TRAK1: variants seen among roughly 807,000 people sequenced by gnomAD.
TRAK1 encodes trafficking kinesin-binding protein 1.
Under a neutral mutation model 92.1 loss-of-function variants are expected in TRAK1, and 33 were observed. That is an observed-to-expected ratio of 0.36 (90% CI 0.27 to 0.48). TRAK1 has a LOEUF of 0.48. TRAK1 is among the 20% of genes least tolerant of loss of function. TRAK1 has a pLI of 0.99. For missense variants in TRAK1, 1,123 were observed against 1,257.9 expected, an observed-to-expected ratio of 0.89 and a Z score of 1.62; for synonymous variants, 521 against 517.3, an observed-to-expected ratio of 1.01 and a Z score of -0.10.
At chr3:42,126,915 T>C (rs1452658895) in intron 2 of TRAK1, among the ~76,000 whole-genome samples, 3 of 152,232 alleles carry the variant, frequency 2.0e-5, no homozygotes, top group Non-Finnish European at 2.9e-5. Flanking sequence ...AGAGTCTTTG[T>C]GAATACTGCA....
At chr3:42,154,138 G>A (rs1700265697) in intron 2 of TRAK1, among the ~76,000 whole-genome samples, 1 of 152,086 alleles carries the variant, frequency 6.6e-6, no homozygotes, top group South Asian at 2.1e-4. Context: ...GCTTTGTGGT[G>A]CTCTTGTTTA....
intron 2 of TRAK1, among the ~76,000 whole-genome samples, chr3:42,131,246 GTGGTCGCTCCCTTC>G (rs1341135139): frequency 6.6e-6 from 1 of 152,140 alleles, no homozygotes; most frequent in South Asian, 2.1e-4. Flanking sequence ...GGCCGACACA[GTGGTCGCTCCCTTC>G]TGGTCACTCT....
At chr3:42,196,541 T>TC (rs1172921599) in intron 10 of TRAK1, among the ~76,000 whole-genome samples, 5 of 146,468 alleles carry the variant, frequency 3.4e-5, no homozygotes, top group Admixed American at 1.4e-4. Flanking sequence ...CTCTTCTTCT[T>TC]TTTTTTTTTT....
intron 1 of TRAK1, among the ~76,000 whole-genome samples, chr3:42,022,218 G>C (rs1178188264): frequency 6.6e-6 from 1 of 152,162 alleles, no homozygotes; most frequent in African/African-American, 2.4e-5. Context: ...CGAATATCAA[G>C]ACATTCCAAA....
intron 1 of TRAK1, among the ~76,000 whole-genome samples, chr3:42,078,090 A>T (rs1263438380): frequency 6.6e-6 from 1 of 152,208 alleles, no homozygotes; most frequent in Non-Finnish European, 1.5e-5. Context: ...GACTAAATCC[A>T]GGCCTGTCTG....
At position 42,079,331 on chromosome 3, in the gene TRAK1, CCTT is replaced by C. The variant is rs1167409368; in HGVS notation, c.-518-7772_-518-7770del. ...GATGCCTCTGCCCAGAAAGAGGAAACCTTGAAAGCTCAGGTACCTGGCTGGCCA... is the reference window on the plus strand; with the variant it reads ...GATGCCTCTGCCCAGAAAGAGGAAACGAAAGCTCAGGTACCTGGCTGGCCA... On this transcript the variant is annotated intron_variant, in intron 1 of 16. Transcript: ENST00000487159. Among the ~76,000 whole-genome samples, 3 of 152,118 alleles carry C rather than the reference CCTT, an allele frequency of 2.0e-5. No homozygotes were observed. In the East Asian group the frequency reaches 5.8e-4, roughly 29 times the overall value.
rs373074795 is a variant in TRAK1, at chr3:42,223,095, C to G, written c.2220C>G (p.Leu740=). 14 of 1,614,080 alleles carry G rather than the reference C, an allele frequency of 8.7e-6. No individual in the cohort carries two copies. Among genetic ancestry groups the G allele is most frequent in the South Asian group, 3.3e-5 (3 of 91,068 alleles). The change falls in exon 16 of 16, where the codon CTC becomes CTG. Residue 740 remains leucine, a synonymous_variant. Coordinates refer to ENST00000327628, the MANE Select transcript of TRAK1 (RefSeq NM_001042646.3). The surrounding 1 kb of genome is among the most constrained non-coding windows in gnomAD (Gnocchi z 6.1). The part of the protein sequence containing the change: ...STTTMSTSLG[L]VWLLKERGIS... Reference sequence around the variant, plus strand: ...CCACCATGAGCACATCCCTGGGGCTCGTGTGGCTGTTGAAGGAGCGGGGCA... The same window carrying G: ...CCACCATGAGCACATCCCTGGGGCTGGTGTGGCTGTTGAAGGAGCGGGGCA...
At chr3:42,193,230 T>G (rs1223656263) in intron 8 of TRAK1, 25 bp downstream of exon 8, 1 of 1,612,818 alleles carries the variant, frequency 6.2e-7, no homozygotes, top group African/African-American at 1.3e-5. Context: ...TTTATCTGGC[T>G]GATACAACAA....
intron 2 of TRAK1, chr3:42,151,417 G>T (rs1234809573): frequency 6.6e-6 from 3 of 455,622 alleles, no homozygotes; most frequent in Non-Finnish European, 1.3e-5. Context: ...AGAGGAGATG[G>T]CTCAACTGTT....
intron 1 of TRAK1, among the ~76,000 whole-genome samples, chr3:42,106,314 G>T (rs938112710): frequency 6.6e-6 from 1 of 152,204 alleles, no homozygotes; most frequent in South Asian, 2.1e-4. Flanking sequence ...AAAATAAAAG[G>T]ATGGAGGAAG....
At chr3:42,130,310 G>A (rs1236587553) in intron 2 of TRAK1, among the ~76,000 whole-genome samples, 1 of 126,922 alleles carries the variant, frequency 7.9e-6, no homozygotes, top group African/African-American at 3.1e-5. Context: ...AAGGAGCATT[G>A]ATTGAGGGAA....
intron 1 of TRAK1, among the ~76,000 whole-genome samples, chr3:42,024,195 G>A (rs1559704646): frequency 6.6e-6 from 1 of 152,202 alleles, no homozygotes. Flanking sequence ...ACTCACAGAG[G>A]AGTAGTGACT....
chr3:42,088,478 C>A (rs1704805516), upstream of TRAK1, among the ~76,000 whole-genome samples: 1 of 152,204 alleles, frequency 6.6e-6, no homozygotes, highest in African/African-American at 2.4e-5. Flanking sequence ...CATTCTTTTC[C>A]CCTTGCACTT....
intron 1 of TRAK1, among the ~76,000 whole-genome samples, chr3:42,113,801 G>C (rs544674435): frequency 5.8e-4 from 89 of 152,298 alleles, no homozygotes; most frequent in African/African-American, 2.1e-3. Flanking sequence ...TGATCGTCCT[G>C]CCTCAGCCTC....
At chr3:42,019,572 A>G (rs973466567) in intron 1 of TRAK1, among the ~76,000 whole-genome samples, 12 of 152,304 alleles carry the variant, frequency 7.9e-5, no homozygotes, top group African/African-American at 2.6e-4. Flanking sequence ...CTGGCCAGGC[A>G]GTTCTTTAAC....
chr3:42,189,580 T>C (rs1271278573), intron 6 of TRAK1, among the ~76,000 whole-genome samples: 1 of 152,186 alleles, frequency 6.6e-6, no homozygotes, highest in African/African-American at 2.4e-5. Context: ...TCACCCAGGC[T>C]GGAGTGCAGT....
At chr3:42,189,892 A>T in intron 6 of TRAK1, among the ~76,000 whole-genome samples, 1 of 152,142 alleles carries the variant, frequency 6.6e-6, no homozygotes. Flanking sequence ...TTGGGGACTC[A>T]TGCTTTTGAG....
At chr3:42,025,681 G>A (rs1382105262) in intron 1 of TRAK1, among the ~76,000 whole-genome samples, 1 of 152,002 alleles carries the variant, frequency 6.6e-6, no homozygotes, top group Admixed American at 6.6e-5. Context: ...GCATGAATGT[G>A]GGGGAGGGCG....
chr3:42,218,184 A>T, intron 14 of TRAK1: 6 of 985,258 alleles, frequency 6.1e-6, no homozygotes, highest in Non-Finnish European at 7.2e-6. Context: ...TCCAGCATTT[A>T]TTTTTTTGTT....
Sources: gnomAD v4.1 joint callset for allele counts (sites outside exome capture counted in the v4.1 genomes callset) on GRCh38, gnomAD v4.1.1 for gene constraint, Gnocchi (gnomAD v3.1) non-coding constraint, MANE v1.5 for transcripts, NCBI Gene and HGNC (gene_info 2026-07-23, HGNC 2026-07-21) for gene names.